The following RNF41 variants were observed in gnomAD, a reference collection of about 807,000 sequenced individuals.
The protein encoded by RNF41 is E3 ubiquitin-protein ligase NRDP1.
A neutral mutation model predicts 33.0 loss-of-function variants in RNF41; 4 were observed. The observed-to-expected ratio is 0.12, with a 90% confidence interval of 0.06 to 0.28. RNF41 has a LOEUF of 0.28. Among genes scored for constraint, RNF41 ranks in the 10% least tolerant of loss-of-function variants. The pLI, the probability that RNF41 is intolerant of heterozygous loss-of-function variation, is 1.00. For missense variants in RNF41, 228 were observed against 432.6 expected, an observed-to-expected ratio of 0.53 and a Z score of 4.19; for synonymous variants, 164 against 153.2, an observed-to-expected ratio of 1.07 and a Z score of -0.52.
intron 1 of RNF41, among the ~76,000 whole-genome samples, chr12:56,218,433 T>C (rs1024572718): frequency 6.6e-6 from 1 of 151,020 alleles, no homozygotes; most frequent in African/African-American, 2.4e-5. Context: ...TGGCTAATTT[T>C]TGTATTTTTG....
intron 1 of RNF41, among the ~76,000 whole-genome samples, chr12:56,220,497 G>A (rs146654151): frequency 0.028 from 4,228 of 151,436 alleles, 378 homozygotes; most frequent in East Asian, 0.27. Flanking sequence ...GATTACAGGC[G>A]TGAGCCACCG....
At chr12:56,210,188 T>C (rs1868376089) in intron 4 of RNF41, 109 bp downstream of exon 4, 2 of 1,228,034 alleles carry the variant, frequency 1.6e-6, no homozygotes, top group East Asian at 4.9e-5. Flanking sequence ...AGAATACTCC[T>C]TGCCAACATG....
chr12:56,219,486 C>T (rs1869172557), intron 1 of RNF41, among the ~76,000 whole-genome samples: 1 of 151,600 alleles, frequency 6.6e-6, no homozygotes, highest in African/African-American at 2.4e-5. Context: ...TGAGCCACCG[C>T]GCCCAGCCAA....
rs1565939724 is a variant in RNF41 at position 56,206,342 on chromosome 12, G to A, written c.*105C>T. 5 of 989,326 alleles carry A rather than the reference G, an allele frequency of 5.1e-6. No individual in the cohort carries two copies. The East Asian group carries it at 7.2e-5, about 14-fold the overall frequency. The allele number at this position is 989,326 out of a possible 1,614,324, so 61.3% of individuals were successfully genotyped here. ...AAGGGCAGGGAGATGTGTGGCTCAG[G>A]TATAAGCCACAGTATTAAGAATGGT... On this transcript the variant is annotated 3_prime_UTR_variant, in exon 7 of 7. Coordinates refer to ENST00000345093, the MANE Select transcript of RNF41 (RefSeq NM_005785.4). This position sits in a 1 kb window ranked among gnomAD's most constrained non-coding sequence, Gnocchi z 5.7.
intron 3 of RNF41, chr12:56,212,975 C>T: frequency 7.8e-7 from 1 of 1,287,644 alleles, no homozygotes; most frequent in South Asian, 1.2e-5. Context: ...CTTAAGGATT[C>T]ACCTCACTCA....
At chr12:56,209,873 G>A (rs1172975954) in intron 4 of RNF41, among the ~76,000 whole-genome samples, 2 of 152,200 alleles carry the variant, frequency 1.3e-5, no homozygotes, top group Non-Finnish European at 2.9e-5. Flanking sequence ...CAAAGTGCTA[G>A]GATTACAGGT....
chr12:56,207,018 G>T, intron 6 of RNF41: 1 of 1,144,946 alleles, frequency 8.7e-7, no homozygotes, highest in Non-Finnish European at 1.2e-6. Context: ...TCTGCACTCT[G>T]TCTCTGTTAC....
intron 3 of RNF41, chr12:56,213,068 G>C (rs1184291260): frequency 7.8e-7 from 1 of 1,289,606 alleles, no homozygotes; most frequent in African/African-American, 1.5e-5. Context: ...AAGGCTGGCA[G>C]AGAAATGACC....
intron 2 of RNF41, among the ~76,000 whole-genome samples, chr12:56,215,905 T>C (rs796362219): frequency 6.6e-6 from 1 of 151,696 alleles, no homozygotes; most frequent in African/African-American, 2.4e-5. Flanking sequence ...GTGGATCACC[T>C]GAGGTCAGGA....
chr12:56,207,254 T>C (rs1868287348), intron 6 of RNF41: 1 of 1,328,362 alleles, frequency 7.5e-7, no homozygotes, highest in Non-Finnish European at 9.8e-7. Context: ...TGCTGCATTT[T>C]AGAGATCACT....
In RNF41 at chr12:56,206,486, G is replaced by A. The variant is rs1297011424; in HGVS notation, c.915C>T (p.Gly305=). ...HMGDDMVQEP[G]LVMIFAHGVE... ...CGCCATGCGCAAATATCATGACAAG[G>A]CCTGGCTCTTGCACCATGTCATCCC... The change falls in exon 7 of 7, where the codon GGC becomes GGT. Residue 305 remains glycine (G), a synonymous_variant. Coordinates refer to ENST00000345093, the MANE Select transcript of RNF41 (RefSeq NM_005785.4). The surrounding 1 kb of genome is among the most constrained non-coding windows in gnomAD (Gnocchi z 5.7). 3 of 1,613,994 alleles carry A rather than the reference G, an allele frequency of 1.9e-6. No homozygotes were observed. Among genetic ancestry groups the A allele is most frequent in the East Asian group, 2.2e-5 (1 of 44,884 alleles).
chr12:56,208,428 G>T lies in RNF41; in HGVS notation c.363-130C>A, dbSNP rs1404466269. ...CCAAAATTTCTAACATTCATTTCAG[G>T]CCTCCCTCTTGTTTATTCCCTTCAC... On this transcript the variant is annotated intron_variant, in intron 4 of 6. Transcript: ENST00000345093. The T allele has an allele frequency of 5.6e-6, 5 of 900,586 alleles. No individual in the cohort carries two copies. The East Asian group carries it at 1.3e-4, about 24-fold the overall frequency. The allele number at this position is 900,586 out of a possible 1,614,324, so 55.8% of individuals were successfully genotyped here. A position where few individuals can be genotyped will look rare whatever the true frequency, so the allele number is the denominator to read the frequency against.
chr12:56,218,419 T>A (rs1869070149), intron 1 of RNF41, among the ~76,000 whole-genome samples: 1 of 150,584 alleles, frequency 6.6e-6, no homozygotes, highest in East Asian at 2.0e-4. Context: ...CACACCACCA[T>A]GCCTGGCTAA....
At chr12:56,215,458 T>C (rs904490923) in intron 2 of RNF41, among the ~76,000 whole-genome samples, 20 of 151,986 alleles carry the variant, frequency 1.3e-4, no homozygotes, top group South Asian at 8.3e-4. Flanking sequence ...TGGTGGCTCA[T>C]GCCTGTAATC....
At chr12:56,207,234 C>T (rs556715717) in intron 6 of RNF41, 8 of 1,327,010 alleles carry the variant, frequency 6.0e-6, no homozygotes, top group East Asian at 4.9e-5. Flanking sequence ...TTGTATACTT[C>T]GCTTGTTTTT....
rs1049600395 is a variant in RNF41 at position 56,202,546 on chromosome 12, C to G, written c.*3901G>C. 2.6e-5 allele frequency: 4 copies of G among 152,122 alleles called. No individual in the cohort carries two copies. The highest frequency in any genetic ancestry group is 2.0e-4 in the Admixed American group (3 of 15,274). 9.4% of individuals were successfully genotyped at this position (152,122 alleles called of 1,614,324 possible). A position where few individuals can be genotyped will look rare whatever the true frequency, so the allele number is the denominator to read the frequency against. On this transcript the variant is annotated 3_prime_UTR_variant, in exon 7 of 7. Coordinates refer to ENST00000345093, the MANE Select transcript of RNF41 (RefSeq NM_005785.4). The stretch of plus-strand genomic sequence containing the variant: ...AACTGTATTCCAATAAAGTTTTTTA[C>G]AAAAGCAGGCAGTGGGGTTGTAACC...
intron 2 of RNF41, among the ~76,000 whole-genome samples, chr12:56,215,368 A>G (rs1435411081): frequency 6.6e-6 from 1 of 152,170 alleles, no homozygotes; most frequent in African/African-American, 2.4e-5. Flanking sequence ...AAGAACATCT[A>G]AGTCAGGAGA....
At position 56,206,847 on chromosome 12, in the gene RNF41, T is replaced by C. The variant is rs1242416726; in HGVS notation, c.603-49A>G. On this transcript the variant is annotated intron_variant, in intron 6 of 6. Coordinates refer to ENST00000345093, the MANE Select transcript of RNF41 (RefSeq NM_005785.4). The surrounding 1 kb of genome is among the most constrained non-coding windows in gnomAD (Gnocchi z 5.7). Reference sequence around the variant, plus strand: ...GTCATTCCAGCTCATCTCCTTTCTCTGTATTGGCTTTTTCTGCTAATAGAA... The same window carrying C: ...GTCATTCCAGCTCATCTCCTTTCTCCGTATTGGCTTTTTCTGCTAATAGAA... The C allele has an allele frequency of 7.2e-7, 1 of 1,381,408 alleles. No homozygotes were observed. Among genetic ancestry groups the C allele is most frequent in the Admixed American group, 2.2e-5 (1 of 45,606 alleles). The allele number at this position is 1,381,408 out of a possible 1,614,324, so 85.6% of individuals were successfully genotyped here.
In RNF41 at chr12:56,208,249, G is replaced by A. The variant is rs747363832; in HGVS notation, c.412C>T (p.Leu138=). The A allele has an allele frequency of 6.2e-7, 1 of 1,614,226 alleles. No individual in the cohort carries two copies. Among genetic ancestry groups the A allele is most frequent in the Middle Eastern group, 1.6e-4 (1 of 6,062 alleles). The change falls in exon 5 of 7, where the codon CTG becomes TTG. Residue 138 remains leucine, a synonymous_variant. Coordinates refer to ENST00000345093, the MANE Select transcript of RNF41 (RefSeq NM_005785.4). ...TGCTGCTGCTGTACCACTGAGCGCA[G>A]GTGCTTAATGCAGTTATGGTTGGGC... The part of the protein sequence containing the change: ...ELPNHNCIKH[L]RSVVQQQQTR...
Sources: allele counts gnomAD v4.1 joint callset (sites outside exome capture counted in the v4.1 genomes callset), GRCh38; gene constraint gnomAD v4.1.1; non-coding constraint Gnocchi (gnomAD v3.1); transcripts MANE v1.5; gene names NCBI Gene and HGNC (gene_info 2026-07-23, HGNC 2026-07-21).